COL21A1: variants seen among roughly 807,000 people sequenced by gnomAD.
COL21A1 encodes the protein collagen alpha-1(XXI) chain.
Under a neutral mutation model 137.9 loss-of-function variants are expected in COL21A1, and 149 were observed. That is an observed-to-expected ratio of 1.08 (90% CI 0.95 to 1.24). The LOEUF is 1.24. Ranked by LOEUF, COL21A1 falls within the 50% of genes most tolerant of loss-of-function variation. The pLI, the probability that COL21A1 is intolerant of heterozygous loss-of-function variation, is 0.00. For missense variants in COL21A1, 1,167 were observed against 1,158.4 expected (o/e 1.01, Z -0.11); for synonymous variants, 456 against 391.5 (o/e 1.16, Z -1.95).
At chr6:56,060,365 T>A in intron 27 of COL21A1, 147 bp from the exon 28 acceptor site, 1 of 697,510 alleles carries the variant, frequency 1.4e-6, no homozygotes, top group Non-Finnish European at 2.4e-6. Context: ...CTTCTAGGAA[T>A]TTGACTATGG....
intron 17 of COL21A1, among the ~76,000 whole-genome samples, chr6:56,088,771 C>T (rs193208135): frequency 1.6e-4 from 24 of 152,058 alleles, no homozygotes; most frequent in African/African-American, 5.3e-4. Context: ...ATGAAAAATA[C>T]GCAAAAAACC....
chr6:56,072,606 T>A (rs1161363881), intron 20 of COL21A1, among the ~76,000 whole-genome samples: 1 of 151,424 alleles, frequency 6.6e-6, no homozygotes, highest in African/African-American at 2.4e-5. Flanking sequence ...TCCAGCCCAA[T>A]GCAAGTTCTT....
At chr6:56,180,161 CT>C in intron 2 of COL21A1, 32 bp from the exon 3 acceptor site, 1 of 1,530,724 alleles carries the variant, frequency 6.5e-7, no homozygotes, top group South Asian at 1.3e-5. Flanking sequence ...CATAGCACAT[CT>C]TTTATATAAA....
rs765884667 is a variant in COL21A1 at position 56,061,632 on chromosome 6, T to C, written c.2205+17A>G. The stretch of plus-strand genomic sequence containing the variant: ...GAAGAAAGAGAGCAAGAGAGCATAA[T>C]ATATGAAGAAACATACCTCTCCTTT... On this transcript the variant is annotated intron_variant, in intron 25 of 29. Transcript: ENST00000244728. 2.9e-5 allele frequency: 45 copies of C among 1,564,866 alleles called. No individual in the cohort carries two copies. The South Asian group carries it at 4.8e-4, about 17-fold the overall frequency.
chr6:56,184,335 C>T (rs1313537468), intron 1 of COL21A1, among the ~76,000 whole-genome samples: 1 of 151,908 alleles, frequency 6.6e-6, no homozygotes, highest in Non-Finnish European at 1.5e-5. Flanking sequence ...GAATTTTAGA[C>T]AGAAATTTTC....
intron 2 of COL21A1, 39 bp downstream of exon 2, chr6:56,182,492 T>C (rs1419878462): frequency 2.3e-6 from 3 of 1,330,142 alleles, no homozygotes; most frequent in Admixed American, 1.9e-5. Flanking sequence ...CCAGATTAAT[T>C]TGTTGATAAC....
chr6:56,069,689 T>C (rs1045033572), intron 21 of COL21A1, among the ~76,000 whole-genome samples: 1 of 150,592 alleles, frequency 6.6e-6, no homozygotes, highest in Non-Finnish European at 1.5e-5. Context: ...TCTCTAAATA[T>C]ATTAATATTA....
chr6:56,194,523 T>C (rs1778901341), intron 1 of COL21A1, among the ~76,000 whole-genome samples: 2 of 152,266 alleles, frequency 1.3e-5, no homozygotes, highest in Non-Finnish European at 2.9e-5. Flanking sequence ...TATGCTAACA[T>C]GCACCAAAGT....
intron 1 of COL21A1, among the ~76,000 whole-genome samples, chr6:56,213,709 G>A (rs888068837): frequency 6.6e-6 from 1 of 151,976 alleles, no homozygotes; most frequent in African/African-American, 2.4e-5. Context: ...TTTCGTGTGT[G>A]TACTACAGAG....
At chr6:56,240,253 T>C (rs2152324495) in intron 1 of COL21A1, among the ~76,000 whole-genome samples, 1 of 151,546 alleles carries the variant, frequency 6.6e-6, no homozygotes, top group South Asian at 2.1e-4. Context: ...ATAAAAGAGG[T>C]TTCAGGCAGC....
At chr6:56,260,567 CTA>C (rs1763225876) in intron 1 of COL21A1, among the ~76,000 whole-genome samples, 1 of 78,968 alleles carries the variant, frequency 1.3e-5, no homozygotes, top group East Asian at 6.6e-4. Context: ...GAACAAGACT[CTA>C]TCAAAAAAAA....
intron 1 of COL21A1, among the ~76,000 whole-genome samples, chr6:56,352,170 ACAAAAT>A (rs1765724742): frequency 1.4e-5 from 2 of 143,262 alleles, no homozygotes; most frequent in African/African-American, 4.9e-5. Flanking sequence ...TCCATGATGA[ACAAAAT>A]ATCACAATTT....
Position 56,066,977 on chromosome 6 carries a change from ATGTG to A in COL21A1, c.2127+314_2127+317del, listed in dbSNP as rs1194811264. Among the ~76,000 whole-genome samples, 246 of 146,600 alleles carry A rather than the reference ATGTG, an allele frequency of 1.7e-3. 1 individual carries two copies. Among genetic ancestry groups the A allele is most frequent in the African/African-American group, 4.4e-3 (177 of 40,078 alleles). Reference sequence around the variant, plus strand: ...ACTGTGTGTGTGTATATATATATATATGTGTGTGTGTGTGTGTGTATGTGGTATA... The same window carrying A: ...ACTGTGTGTGTGTATATATATATATATGTGTGTGTGTGTGTATGTGGTATA... On this transcript the variant is annotated intron_variant, in intron 23 of 29. Coordinates refer to ENST00000244728, the MANE Select transcript of COL21A1 (RefSeq NM_030820.4).
intron 1 of COL21A1, among the ~76,000 whole-genome samples, chr6:56,236,238 A>T (rs569875478): frequency 6.6e-6 from 1 of 151,994 alleles, no homozygotes; most frequent in South Asian, 2.1e-4. Context: ...GGGAACATGG[A>T]AAAAGAAATA....
At chr6:56,269,438 G>A (rs947091447) in intron 1 of COL21A1, among the ~76,000 whole-genome samples, 3 of 151,648 alleles carry the variant, frequency 2.0e-5, no homozygotes, top group African/African-American at 4.8e-5. Context: ...GGCGGATCAC[G>A]AGGTCAGGAG....
chr6:56,192,313 C>A (rs1778740290), intron 1 of COL21A1, among the ~76,000 whole-genome samples: 1 of 152,040 alleles, frequency 6.6e-6, no homozygotes, highest in Non-Finnish European at 1.5e-5. Context: ...GTCTACAATA[C>A]CAAAAGCAAT....
intron 1 of COL21A1, among the ~76,000 whole-genome samples, chr6:56,237,408 GA>G (rs1295368118): frequency 6.6e-6 from 1 of 152,140 alleles, no homozygotes; most frequent in Admixed American, 6.5e-5. Flanking sequence ...GGGATAAAAT[GA>G]AAGAGTAGAT....
chr6:56,333,300 C>A (rs1280386643), intron 1 of COL21A1, among the ~76,000 whole-genome samples: 1 of 150,840 alleles, frequency 6.6e-6, no homozygotes, highest in Non-Finnish European at 1.5e-5. Flanking sequence ...TCCCTCCCAC[C>A]CTCCCCTTCC....
intron 1 of COL21A1, among the ~76,000 whole-genome samples, chr6:56,297,174 A>G (rs931714589): frequency 1.1e-4 from 16 of 152,106 alleles, no homozygotes; most frequent in Non-Finnish European, 2.1e-4. Context: ...ACATATTTCA[A>G]TAGAAGAAAG....
Sources: allele counts gnomAD v4.1 joint callset (sites outside exome capture counted in the v4.1 genomes callset), GRCh38; gene constraint gnomAD v4.1.1; transcripts MANE v1.5; gene names NCBI Gene and HGNC (gene_info 2026-07-23, HGNC 2026-07-21).